WLS: variants seen among roughly 807,000 people sequenced by gnomAD.
The protein encoded by WLS is Wnt ligand secretion mediator.
WLS carries 23 observed loss-of-function variants against 62.8 expected under a neutral mutation model. The ratio of observed to expected loss-of-function variants is 0.37; its 90% CI spans 0.26 to 0.52. The LOEUF (loss-of-function observed/expected upper bound fraction) is 0.52, where lower values mean the gene tolerates loss of function less well. Among genes scored for constraint, WLS ranks in the 20% least tolerant of loss-of-function variants. The pLI is 0.92. For missense variants in WLS, 615 were observed against 697.3 expected, an observed-to-expected ratio of 0.88 and a Z score of 1.33; for synonymous variants, 246 against 244.1, an observed-to-expected ratio of 1.01 and a Z score of -0.07.
intron 1 of WLS, among the ~76,000 whole-genome samples, chr1:68,225,834 G>A (rs1650119639): frequency 6.6e-6 from 1 of 152,052 alleles, no homozygotes; most frequent in African/African-American, 2.4e-5. Flanking sequence ...AAAAAGTCCG[G>A]ACTTACTGTA....
rs546041670 is a variant in WLS at position 68,116,577 on chromosome 1, T to C, written c.1511-17824A>G. On this transcript the variant is annotated intron_variant, in intron 11 of 11. Coordinates refer to the WLS transcript ENST00000354777. Reference sequence around the variant, plus strand: ...AATTGTGCCTACCTCATAGGATTCATTTAAGGATTAAAGAAGTTGATAAAT... The same window carrying C: ...AATTGTGCCTACCTCATAGGATTCACTTAAGGATTAAAGAAGTTGATAAAT... 1.6e-4 allele frequency among the ~76,000 whole-genome samples: 24 copies of C among 152,302 alleles called. No individual in the cohort carries two copies. The South Asian group carries it at 5.0e-3, about 32-fold the overall frequency.
chr1:68,156,457 G>C (rs1289177924), intron 3 of WLS, among the ~76,000 whole-genome samples: 1 of 151,992 alleles, frequency 6.6e-6, no homozygotes, highest in African/African-American at 2.4e-5. Context: ...TGAGATCTTG[G>C]CTGGTGGGGA....
intron 1 of WLS, among the ~76,000 whole-genome samples, chr1:68,208,879 G>C (rs1272728417): frequency 6.6e-6 from 1 of 152,116 alleles, no homozygotes; most frequent in African/African-American, 2.4e-5. Flanking sequence ...GCCTGCACTG[G>C]GCCATCATCT....
chr1:68,170,160 C>CTTTTTTTCTTTTTT (rs1553131191), intron 2 of WLS, among the ~76,000 whole-genome samples: 80 of 86,788 alleles, frequency 9.2e-4, no homozygotes, highest in African/African-American at 1.8e-3. Flanking sequence ...GCTACTATTT[C>CTTTTTTTCTTTTTT]TTTTTTTTTT....
chr1:68,226,746 A>C (rs984111185), intron 1 of WLS, among the ~76,000 whole-genome samples: 2 of 152,146 alleles, frequency 1.3e-5, no homozygotes, highest in African/African-American at 4.8e-5. Flanking sequence ...CACACAGTAC[A>C]CCCTAATAGA....
downstream of WLS, among the ~76,000 whole-genome samples, chr1:68,122,770 T>G (rs1025697429): frequency 1.3e-5 from 2 of 152,176 alleles, no homozygotes; most frequent in Non-Finnish European, 2.9e-5. Context: ...TGAAATGGGT[T>G]GCATCCAACC....
At position 68,216,753 on chromosome 1, in the gene WLS, G is replaced by T. The variant is rs111984605; in HGVS notation, c.106+15441C>A. The stretch of plus-strand genomic sequence containing the variant: ...AGGCAGCAGCATGAACAAGTAGAGG[G>T]TTAATGGTTTTCATATTATTTAATT... On this transcript the variant is annotated intron_variant, in intron 1 of 11. Transcript: ENST00000262348. 3.1e-3 allele frequency among the ~76,000 whole-genome samples: 476 copies of T among 152,276 alleles called. 6 individuals carry two copies. The highest frequency in any genetic ancestry group is 0.011 in the African/African-American group (464 of 41,542).
chr1:68,112,007 C>G (rs946717519), intron 11 of WLS, among the ~76,000 whole-genome samples: 30 of 152,176 alleles, frequency 2.0e-4, no homozygotes, highest in Non-Finnish European at 4.4e-5. Context: ...TAAGCAGTGC[C>G]CTCCTTGGGA....
chr1:68,198,072 T>C (rs575829455), intron 1 of WLS, among the ~76,000 whole-genome samples: 2 of 152,254 alleles, frequency 1.3e-5, no homozygotes, highest in East Asian at 3.9e-4. Context: ...AGGAGAGTAA[T>C]GCAATATTAC....
At chr1:68,230,642 G>A (rs1461475660) in intron 1 of WLS, among the ~76,000 whole-genome samples, 3 of 151,906 alleles carry the variant, frequency 2.0e-5, no homozygotes, top group Admixed American at 6.6e-5. Flanking sequence ...GAAAGAAAAT[G>A]TGAAGCTGTT....
chr1:68,173,736 A>T (rs1647189111), intron 2 of WLS, among the ~76,000 whole-genome samples: 1 of 152,170 alleles, frequency 6.6e-6, no homozygotes, highest in Non-Finnish European at 1.5e-5. Context: ...AGTCCTTCAG[A>T]CAAGAGCTCT....
intron 1 of WLS, among the ~76,000 whole-genome samples, chr1:68,227,970 C>T (rs539782842): frequency 5.2e-4 from 79 of 152,256 alleles, no homozygotes; most frequent in African/African-American, 1.9e-3. Context: ...ATAAATGGGT[C>T]ACAGTAAAGA....
chr1:68,114,470 C>T (rs1646266000), intron 11 of WLS, among the ~76,000 whole-genome samples: 1 of 152,190 alleles, frequency 6.6e-6, no homozygotes, highest in Non-Finnish European at 1.5e-5. Context: ...CTTTTTAAAA[C>T]TTACTATATG....
At chr1:68,159,542 A>G (rs963340068) in intron 2 of WLS, among the ~76,000 whole-genome samples, 1 of 152,166 alleles carries the variant, frequency 6.6e-6, no homozygotes, top group Admixed American at 6.5e-5. Flanking sequence ...TCATCCTCCC[A>G]TAACTTGTAC....
intron 1 of WLS, among the ~76,000 whole-genome samples, chr1:68,199,995 TTAAAGAA>T (rs1233200627): frequency 2.0e-5 from 3 of 152,124 alleles, no homozygotes; most frequent in Non-Finnish European, 4.4e-5. Flanking sequence ...AAGATGATAT[TTAAAGAA>T]TAATCTGCTT....
chr1:68,162,243 T>C (rs148426388), intron 2 of WLS: 1 of 1,538,168 alleles, frequency 6.5e-7, no homozygotes, highest in Non-Finnish European at 9.0e-7. Context: ...CCTTGAGAGC[T>C]TGTGCTAAGG....
chr1:68,178,823 G>A (rs998329902), intron 2 of WLS, among the ~76,000 whole-genome samples: 21 of 152,106 alleles, frequency 1.4e-4, no homozygotes, highest in Non-Finnish European at 1.5e-5. Context: ...TGAGCAAAAT[G>A]CTAGCATGTA....
At chr1:68,185,077 A>T (rs947892684) in intron 2 of WLS, among the ~76,000 whole-genome samples, 4 of 152,162 alleles carry the variant, frequency 2.6e-5, no homozygotes, top group Non-Finnish European at 5.9e-5. Flanking sequence ...CAAGCAAGCA[A>T]TCAATCACTT....
At chr1:68,174,643 C>T (rs966702028) in intron 2 of WLS, among the ~76,000 whole-genome samples, 16 of 152,140 alleles carry the variant, frequency 1.1e-4, no homozygotes, top group African/African-American at 3.9e-4. Context: ...AGCTGGACTC[C>T]CTTTCTGCTC....
Sources: allele counts gnomAD v4.1 joint callset (sites outside exome capture counted in the v4.1 genomes callset), GRCh38; gene constraint gnomAD v4.1.1; transcripts MANE v1.5; gene names NCBI Gene and HGNC (gene_info 2026-07-23, HGNC 2026-07-21).